Variants in PLSCR4 observed in about 807,000 individuals in gnomAD.
PLSCR4 encodes Ca(2+)-dependent phospholipid scramblase 4.
In PLSCR4, 25 loss-of-function variants were observed where a neutral mutation model predicts 36.3. The observed-to-expected ratio is 0.69, with a 90% confidence interval of 0.50 to 0.96. PLSCR4 has a LOEUF of 0.96. Ranked by LOEUF, PLSCR4 falls within the 40% of genes least tolerant of loss-of-function variation. The pLI, the probability that PLSCR4 is intolerant of heterozygous loss-of-function variation, is 0.00. For missense variants in PLSCR4, 408 were observed against 414.7 expected (o/e 0.98, Z 0.14); for synonymous variants, 122 against 132.9 (o/e 0.92, Z 0.56).
At chr3:146,211,995 A>T (rs1380900714) in intron 3 of PLSCR4, among the ~76,000 whole-genome samples, 1 of 151,270 alleles carries the variant, frequency 6.6e-6, no homozygotes, top group Non-Finnish European at 1.5e-5. Flanking sequence ...GAGTCCTCCA[A>T]TTTTTTTTCA....
chr3:146,225,732 G>C (rs60537881), intron 1 of PLSCR4, among the ~76,000 whole-genome samples: 5 of 152,132 alleles, frequency 3.3e-5, no homozygotes, highest in Admixed American at 3.3e-4. Flanking sequence ...CCGAGTGTGG[G>C]GCCCGCCAAG....
chr3:146,210,192 C>T (rs2175666), intron 3 of PLSCR4, among the ~76,000 whole-genome samples: 5,522 of 152,056 alleles, frequency 0.036, 153 homozygotes, highest in South Asian at 0.072. Flanking sequence ...TTTTTATTGT[C>T]ATTTTTAATT....
chr3:146,250,599 A>G (rs2036506672), intron 1 of PLSCR4: 1 of 152,150 alleles, frequency 6.6e-6, no homozygotes, highest in African/African-American at 2.4e-5. Flanking sequence ...CGCGCCGTAG[A>G]AACGCCAGAG....
intron 1 of PLSCR4, among the ~76,000 whole-genome samples, chr3:146,244,572 CTAT>C (rs1169169521): frequency 6.6e-6 from 1 of 151,972 alleles, no homozygotes; most frequent in Non-Finnish European, 1.5e-5. Context: ...TTTGATGTTA[CTAT>C]TATAATTGTT....
At chr3:146,203,725 G>C (rs2034168822) in intron 4 of PLSCR4, among the ~76,000 whole-genome samples, 1 of 151,932 alleles carries the variant, frequency 6.6e-6, no homozygotes, top group Non-Finnish European at 1.5e-5. Flanking sequence ...GAATTTAGGA[G>C]AGATAGGGCT....
intron 3 of PLSCR4, among the ~76,000 whole-genome samples, chr3:146,207,966 T>C (rs1260831539): frequency 6.6e-6 from 1 of 152,092 alleles, no homozygotes; most frequent in Non-Finnish European, 1.5e-5. Context: ...AGAGCCTGCA[T>C]AGCCAAAGCA....
chr3:146,201,254 G>A (rs565122887), intron 4 of PLSCR4, among the ~76,000 whole-genome samples, 177 bp from the exon 5 acceptor site: 57 of 151,984 alleles, frequency 3.8e-4, no homozygotes, highest in Non-Finnish European at 7.5e-4. Flanking sequence ...GCATCTGATC[G>A]GATGGATATT....
At chr3:146,204,977 T>C (rs1576454549) in intron 4 of PLSCR4, among the ~76,000 whole-genome samples, 1 of 152,186 alleles carries the variant, frequency 6.6e-6, no homozygotes, top group Admixed American at 6.6e-5. Context: ...GATCCAACTG[T>C]ATTGACTTCT....
At position 146,194,427 on chromosome 3, in the gene PLSCR4, G is replaced by A; in HGVS notation, c.974C>T (p.Pro325Leu). ...TGTGTCTCTCTATCTTGAACGTTGT[G>A]GTGGAGATCTTTCAAAATACATGAA... is the stretch of plus-strand genomic sequence containing the variant. ...IDFMYFERSPPQRSR is the reference protein window; with the variant it reads ...IDFMYFERSPLQRSR The change falls in exon 9 of 9, where the codon CCA becomes CTA. Residue 325 changes from proline to leucine, a missense_variant. By Grantham distance (98) the Pro-to-Leu change is moderately conservative. Transcript: ENST00000354952. The A allele has an allele frequency of 1.2e-6, 2 of 1,607,240 alleles. No homozygotes were observed. Among genetic ancestry groups the A allele is most frequent in the Non-Finnish European group, 1.7e-6 (2 of 1,174,064 alleles).
intron 7 of PLSCR4, among the ~76,000 whole-genome samples, chr3:146,196,061 A>G (rs1043829616): frequency 6.6e-6 from 1 of 152,222 alleles, no homozygotes; most frequent in Non-Finnish European, 1.5e-5. Flanking sequence ...CTCGTAGGGT[A>G]ATGAACCAGC....
At position 146,240,728 on chromosome 3, in the gene PLSCR4, G is replaced by A. The variant is rs184561774; in HGVS notation, c.-22+10232C>T. Among the ~76,000 whole-genome samples, 6 of 152,276 alleles carry A rather than the reference G, an allele frequency of 3.9e-5. No individual in the cohort carries two copies. The East Asian group carries it at 1.2e-3, about 29-fold the overall frequency. On this transcript the variant is annotated intron_variant, in intron 1 of 8. Transcript: ENST00000354952. Reference sequence around the variant, plus strand: ...ATCGAAACCTTCATATGTCGCTGAGGAATGTAAAATGTTAAAGCTGCTTTG... The same window carrying A: ...ATCGAAACCTTCATATGTCGCTGAGAAATGTAAAATGTTAAAGCTGCTTTG...
chr3:146,208,949 T>C (rs1175541127), intron 3 of PLSCR4, among the ~76,000 whole-genome samples: 1 of 152,002 alleles, frequency 6.6e-6, no homozygotes, highest in Non-Finnish European at 1.5e-5. Flanking sequence ...AAAAAGATAC[T>C]TGCATATGCA....
chr3:146,207,235 T>A (rs891591404), intron 3 of PLSCR4, among the ~76,000 whole-genome samples: 14 of 152,062 alleles, frequency 9.2e-5, no homozygotes, highest in Non-Finnish European at 1.6e-4. Context: ...TTCAAAGGAG[T>A]GCTTTTAATG....
intron 3 of PLSCR4, among the ~76,000 whole-genome samples, 184 bp from the exon 4 acceptor site, chr3:146,206,945 A>G (rs1398797020): frequency 6.6e-6 from 1 of 152,100 alleles, no homozygotes; most frequent in Non-Finnish European, 1.5e-5. Context: ...AGACTTATTT[A>G]CATATTAATT....
intron 3 of PLSCR4, among the ~76,000 whole-genome samples, chr3:146,208,784 G>T (rs1041877851): frequency 1.3e-5 from 2 of 152,104 alleles, no homozygotes; most frequent in African/African-American, 4.8e-5. Context: ...CATGTACGGA[G>T]AACAGGGAAC....
intron 1 of PLSCR4, among the ~76,000 whole-genome samples, chr3:146,241,437 T>C (rs184436809): frequency 6.6e-6 from 1 of 152,156 alleles, no homozygotes; most frequent in African/African-American, 2.4e-5. Context: ...AGAAGGGCTA[T>C]CACTTAAAAG....
chr3:146,213,879 T>C (rs1345292252), intron 3 of PLSCR4, among the ~76,000 whole-genome samples: 1 of 152,140 alleles, frequency 6.6e-6, no homozygotes, highest in Admixed American at 6.5e-5. Context: ...AAAGCCTCAC[T>C]TTCATTCCTG....
At chr3:146,231,273 G>A (rs2035699652) in intron 1 of PLSCR4, among the ~76,000 whole-genome samples, 1 of 152,138 alleles carries the variant, frequency 6.6e-6, no homozygotes, top group Non-Finnish European at 1.5e-5. Flanking sequence ...CATCACTGAT[G>A]GGCAACTAGG....
chr3:146,239,369 A>G lies in PLSCR4; in HGVS notation c.-22+11591T>C, dbSNP rs1206090050. ...AATCAAAACAGTATGGCATTGGTCC[A>G]AAGAATAGACATATAGACCAAAGGA... is the stretch of plus-strand genomic sequence containing the variant. On this transcript the variant is annotated intron_variant, in intron 1 of 8. Transcript: ENST00000354952. Among the ~76,000 whole-genome samples the G allele has an allele frequency of 3.3e-5, 5 of 152,296 alleles. No individual in the cohort carries two copies. In the South Asian group the frequency reaches 6.2e-4, roughly 19 times the overall value.
Sources: allele counts gnomAD v4.1 joint callset (sites outside exome capture counted in the v4.1 genomes callset), GRCh38; gene constraint gnomAD v4.1.1; transcripts MANE v1.5; gene names NCBI Gene and HGNC (gene_info 2026-07-23, HGNC 2026-07-21).